PEX5L: variants seen among roughly 807,000 people sequenced by gnomAD.
PEX5L encodes the protein peroxisomal biogenesis factor 5 like, also known as PEX5-related protein.
PEX5L carries 30 observed loss-of-function variants against 84.0 expected under a neutral mutation model. The ratio of observed to expected loss-of-function variants is 0.36; its 90% confidence interval spans 0.27 to 0.48. The LOEUF (loss-of-function observed/expected upper bound fraction) is 0.48, where lower values mean the gene tolerates loss of function less well. PEX5L is among the 20% of genes least tolerant of loss of function. PEX5L has a pLI of 0.99. For missense variants in PEX5L, 533 were observed against 754.6 expected, an observed-to-expected ratio of 0.71 and a Z score of 3.44; for synonymous variants, 270 against 283.1, an observed-to-expected ratio of 0.95 and a Z score of 0.46.
chr3:179,979,856 T>C (rs541797234), intron 1 of PEX5L, among the ~76,000 whole-genome samples: 11 of 152,318 alleles, frequency 7.2e-5, no homozygotes, highest in Admixed American at 3.9e-4. Context: ...TACAGCAATC[T>C]CAAACACAGG....
At chr3:179,827,048 A>C (rs1270436832) in intron 8 of PEX5L, among the ~76,000 whole-genome samples, 1 of 152,192 alleles carries the variant, frequency 6.6e-6, no homozygotes, top group Non-Finnish European at 1.5e-5. Context: ...AAATGATACA[A>C]CCAGAAATCA....
rs573821935 is a variant in PEX5L, at chr3:180,010,481, G to A, written c.21+26098C>T. On this transcript the variant is annotated intron_variant, in intron 1 of 14. Coordinates refer to ENST00000467460, the MANE Select transcript of PEX5L (RefSeq NM_016559.3). The stretch of plus-strand genomic sequence containing the variant: ...CCCAAAATAAAGAATTATGTGTCCT[G>A]AAGTCTTAATAGTGCTGAGGTTGAG... 4.6e-5 allele frequency among the ~76,000 whole-genome samples: 7 copies of A among 152,114 alleles called. No individual in the cohort carries two copies. The South Asian group carries it at 1.5e-3, about 32-fold the overall frequency.
chr3:179,916,678 C>T (rs1767233009), intron 2 of PEX5L, among the ~76,000 whole-genome samples: 2 of 152,018 alleles, frequency 1.3e-5, no homozygotes, highest in South Asian at 4.2e-4. Context: ...ACCACCCCCC[C>T]TTTGTTTTTG....
intron 1 of PEX5L, among the ~76,000 whole-genome samples, chr3:180,000,221 C>T (rs1788269702): frequency 6.6e-6 from 1 of 152,156 alleles, no homozygotes; most frequent in Admixed American, 6.5e-5. Flanking sequence ...CACCTGGACA[C>T]TTTGAGCTCC....
intron 5 of PEX5L, among the ~76,000 whole-genome samples, chr3:179,878,020 G>A (rs1753015440): frequency 6.6e-6 from 1 of 152,076 alleles, no homozygotes; most frequent in African/African-American, 2.4e-5. Context: ...TCACACACAG[G>A]CTTCTGACTT....
At chr3:179,936,392 A>G (rs1774614090) in intron 2 of PEX5L, among the ~76,000 whole-genome samples, 1 of 152,220 alleles carries the variant, frequency 6.6e-6, no homozygotes, top group Non-Finnish European at 1.5e-5. Flanking sequence ...TGTAAGAGAA[A>G]ACCTATCTCT....
chr3:180,018,397 C>T (rs995540067), intron 1 of PEX5L, among the ~76,000 whole-genome samples: 6 of 152,204 alleles, frequency 3.9e-5, no homozygotes, highest in African/African-American at 1.2e-4. Context: ...GCAACATAGT[C>T]TTGCTTTACC....
chr3:180,019,171 C>T (rs1790211891), intron 1 of PEX5L, among the ~76,000 whole-genome samples: 1 of 152,068 alleles, frequency 6.6e-6, no homozygotes, highest in African/African-American at 2.4e-5. Context: ...TGGAATAGAT[C>T]ATAAAGGTTT....
chr3:179,834,965 A>G (rs1734427650), intron 8 of PEX5L, among the ~76,000 whole-genome samples: 1 of 152,208 alleles, frequency 6.6e-6, no homozygotes, highest in African/African-American at 2.4e-5. Flanking sequence ...ATGTAAACAA[A>G]GAGAGGAGAT....
chr3:179,961,452 G>A (rs1021932229), intron 2 of PEX5L, among the ~76,000 whole-genome samples: 10 of 152,120 alleles, frequency 6.6e-5, no homozygotes, highest in Non-Finnish European at 1.3e-4. Context: ...CAGAGGCAGG[G>A]ATCAGAGAGT....
At chr3:179,864,322 T>G (rs924224288) in intron 7 of PEX5L, among the ~76,000 whole-genome samples, 1 of 152,100 alleles carries the variant, frequency 6.6e-6, no homozygotes. Context: ...GAGAATGTGA[T>G]ATATATAGAT....
intron 2 of PEX5L, among the ~76,000 whole-genome samples, chr3:179,904,839 T>C (rs1762598247): frequency 6.6e-6 from 1 of 152,024 alleles, no homozygotes; most frequent in African/African-American, 2.4e-5. Context: ...CGACAGTCAG[T>C]GTGCTTTCCC....
chr3:179,823,676 T>C (rs929082577), intron 8 of PEX5L, among the ~76,000 whole-genome samples: 6 of 152,244 alleles, frequency 3.9e-5, no homozygotes, highest in African/African-American at 1.4e-4. Context: ...AGCAATCTTT[T>C]GCCTCTGAAT....
intron 2 of PEX5L, among the ~76,000 whole-genome samples, chr3:179,905,586 G>A (rs951156314): frequency 3.3e-5 from 5 of 152,078 alleles, no homozygotes; most frequent in African/African-American, 1.2e-4. Flanking sequence ...TGTGGTGGTT[G>A]TTAAAAATTT....
chr3:179,812,296 G>A (rs1724199592), intron 10 of PEX5L, among the ~76,000 whole-genome samples: 2 of 152,152 alleles, frequency 1.3e-5, no homozygotes, highest in African/African-American at 4.8e-5. Flanking sequence ...TTGTATGAAT[G>A]AAAGTCACTT....
intron 2 of PEX5L, among the ~76,000 whole-genome samples, chr3:179,954,204 C>CGG (rs542442468): frequency 4.0e-4 from 36 of 89,560 alleles, no homozygotes; most frequent in East Asian, 1.5e-3. Context: ...AACCATTAGT[C>CGG]GGGGGGGGGG....
chr3:179,814,086 G>T (rs1725106560), intron 10 of PEX5L, among the ~76,000 whole-genome samples: 1 of 151,734 alleles, frequency 6.6e-6, no homozygotes, highest in South Asian at 2.1e-4. Context: ...CTCCCAAAGT[G>T]CTGAGATTAC....
intron 8 of PEX5L, among the ~76,000 whole-genome samples, chr3:179,839,969 G>C (rs1490847013): frequency 6.6e-6 from 1 of 152,054 alleles, no homozygotes; most frequent in African/African-American, 2.4e-5. Flanking sequence ...ATTCTAGGCA[G>C]AAGATGCAGA....
At position 179,905,891 on chromosome 3, in the gene PEX5L, T is replaced by C. The variant is rs73885966; in HGVS notation, c.94-7645A>G. 4.5e-3 allele frequency among the ~76,000 whole-genome samples: 691 copies of C among 152,330 alleles called. 3 individuals carry two copies. The highest frequency in any genetic ancestry group is 0.016 in the African/African-American group (661 of 41,576). On this transcript the variant is annotated intron_variant, in intron 2 of 14. Transcript: ENST00000467460. ...TTTGGTATAGTCCTCTATGGGCACA[T>C]AAACGCTCAAGTGCACTCAATAAAT...
Sources: allele counts gnomAD v4.1 joint callset (sites outside exome capture counted in the v4.1 genomes callset), GRCh38; gene constraint gnomAD v4.1.1; transcripts MANE v1.5; gene names NCBI Gene and HGNC (gene_info 2026-07-23, HGNC 2026-07-21).